The following ROPN1L variants were observed in gnomAD, a reference collection of about 807,000 sequenced individuals.
ROPN1L encodes rhophilin associated tail protein 1 like.
ROPN1L carries 23 observed loss-of-function variants against 22.7 expected under a neutral mutation model. The observed-to-expected ratio is 1.01, with a 90% CI of 0.73 to 1.43. The LOEUF (loss-of-function observed/expected upper bound fraction) is 1.43, where lower values mean the gene tolerates loss of function less well. ROPN1L is among the 40% of genes most tolerant of loss of function. The pLI, the probability that ROPN1L is intolerant of heterozygous loss-of-function variation, is 0.00. For synonymous variants in ROPN1L, 116 were observed against 117.8 expected, an observed-to-expected ratio of 0.98 and a Z score of 0.10; for missense variants, 271 against 291.5, an observed-to-expected ratio of 0.93 and a Z score of 0.51.
chr5:10,447,198 A>T (rs1031691595), intron 1 of ROPN1L, among the ~76,000 whole-genome samples: 8 of 152,204 alleles, frequency 5.3e-5, no homozygotes, highest in African/African-American at 1.9e-4. Context: ...TAAAGTCATT[A>T]GGGCCCCAAA....
chr5:10,457,961 C>T (rs1446915938), intron 3 of ROPN1L, among the ~76,000 whole-genome samples: 1 of 152,098 alleles, frequency 6.6e-6, no homozygotes, highest in African/African-American at 2.4e-5. Context: ...GCCCTCACAC[C>T]CCACCCCAGC....
intron 3 of ROPN1L, among the ~76,000 whole-genome samples, chr5:10,451,445 A>G (rs1407643591): frequency 6.6e-6 from 1 of 152,252 alleles, no homozygotes; most frequent in Non-Finnish European, 1.5e-5. Flanking sequence ...TGTGTCCCGC[A>G]AGAGGTACAC....
At chr5:10,451,519 A>G (rs1183436741) in intron 3 of ROPN1L, among the ~76,000 whole-genome samples, 2 of 152,150 alleles carry the variant, frequency 1.3e-5, no homozygotes, top group Admixed American at 6.5e-5. Context: ...ATTTTCTGAA[A>G]TTTTCATCCT....
chr5:10,446,647 C>T lies in ROPN1L; in HGVS notation c.132-1613C>T, dbSNP rs181413964. ...CTGCACTCCAGCCTAGGCCACAGAA[C>T]GAGACTCTATCTCAAAAAAAAAAAA... On this transcript the variant is annotated intron_variant, in intron 1 of 4. Coordinates refer to ENST00000274134, the MANE Select transcript of ROPN1L (RefSeq NM_031916.5). Among the ~76,000 whole-genome samples the T allele has an allele frequency of 1.2e-3, 128 of 104,630 alleles. 1 individual carries two copies. In the East Asian group the frequency reaches 0.029, roughly 24 times the overall value. 68.6% of individuals were successfully genotyped at this position (104,630 alleles called of 152,430 possible).
the ROPN1L span, chr5:10,479,221 C>A: frequency 6.6e-6 from 1 of 152,180 alleles, no homozygotes; most frequent in East Asian, 1.9e-4. Flanking sequence ...TGACACTGGT[C>A]TACAATGACT....
chr5:10,452,254 C>T (rs1284811127), intron 3 of ROPN1L, among the ~76,000 whole-genome samples: 1 of 150,208 alleles, frequency 6.7e-6, no homozygotes, highest in Non-Finnish European at 1.5e-5. Context: ...TTATAGATTA[C>T]AGGTGTAAGC....
At chr5:10,442,386 ACGC>A in intron 1 of ROPN1L, 88 bp downstream of exon 1, 1 of 1,522,168 alleles carries the variant, frequency 6.6e-7, no homozygotes, top group Non-Finnish European at 8.9e-7. Context: ...CAGGGGCCTT[ACGC>A]GGCACTCAGC....
At chr5:10,476,283 C>T (rs999379871), downstream of ROPN1L, among the ~76,000 whole-genome samples, 3 of 152,168 alleles carry the variant, frequency 2.0e-5, no homozygotes, top group Admixed American at 6.5e-5. Flanking sequence ...GGCATGATTG[C>T]GTGTAAACTC....
intron 3 of ROPN1L, among the ~76,000 whole-genome samples, chr5:10,459,310 C>CGGGTTCCCGCCTTCCACCCTCATCACT (rs1561175121): frequency 5.4e-4 from 79 of 147,616 alleles, no homozygotes; most frequent in African/African-American, 4.5e-4. Context: ...CCCTCCTCAC[C>CGGGTTCCCGCCTTCCACCCTCATCACT]GGGTTCCCGC....
At chr5:10,469,110 G>C (rs999890481), downstream of ROPN1L, among the ~76,000 whole-genome samples, 4 of 152,060 alleles carry the variant, frequency 2.6e-5, no homozygotes, top group African/African-American at 7.3e-5. Context: ...AGCCGAGATC[G>C]TGCCACTGCA....
At chr5:10,482,196 C>T in the ROPN1L span, 1 of 150,684 alleles carries the variant, frequency 6.6e-6, no homozygotes, top group Admixed American at 6.6e-5. Flanking sequence ...TGCCACTGCA[C>T]TCCAGCCTGG....
At chr5:10,465,314 G>A (rs1579660616), downstream of ROPN1L, among the ~76,000 whole-genome samples, 1 of 152,122 alleles carries the variant, frequency 6.6e-6, no homozygotes, top group Non-Finnish European at 1.5e-5. Context: ...GGGAGATCGA[G>A]ACCATTCTGG....
rs181465223 is a variant in ROPN1L at position 10,455,244 on chromosome 5, G to T, written c.417+5131G>T. On this transcript the variant is annotated intron_variant, in intron 3 of 4. Transcript: ENST00000274134. ...CGGCAGTGACAGAGGCTGCATCCTG[G>T]CTTACTCCTCGCTGCTGTTTCCTTC... 5.8e-4 allele frequency among the ~76,000 whole-genome samples: 88 copies of T among 152,326 alleles called. 1 individual carries two copies. The highest frequency in any genetic ancestry group is 2.0e-3 in the African/African-American group (85 of 41,576).
At chr5:10,445,865 G>A (rs1327510725) in intron 1 of ROPN1L, among the ~76,000 whole-genome samples, 1 of 152,212 alleles carries the variant, frequency 6.6e-6, no homozygotes, top group Non-Finnish European at 1.5e-5. Flanking sequence ...GGAGGCTTCA[G>A]TGAGCCATGT....
the ROPN1L span, chr5:10,477,927 C>T: frequency 6.6e-6 from 1 of 151,962 alleles, no homozygotes; most frequent in African/African-American, 2.4e-5. Flanking sequence ...GAGATTCTGT[C>T]TAAAAAAAGA....
downstream of ROPN1L, among the ~76,000 whole-genome samples, chr5:10,466,709 C>G: frequency 6.6e-6 from 1 of 152,080 alleles, no homozygotes; most frequent in East Asian, 1.9e-4. Flanking sequence ...GCTTTTGTCT[C>G]AAAAAGTGGG....
intron 1 of ROPN1L, among the ~76,000 whole-genome samples, chr5:10,443,466 C>CA (rs1455089211): frequency 6.6e-6 from 1 of 151,330 alleles, no homozygotes; most frequent in African/African-American, 2.4e-5. Flanking sequence ...ACTAAAAATA[C>CA]AAAAAATTAG....
Position 10,442,293 on chromosome 5 carries a change from C to G in ROPN1L, c.126C>G (p.Ser42=), listed in dbSNP as rs776450349. ...RTQPADVLRW[S]AGYFSALSRG... ...AGCCGGCCGACGTGCTGCGGTGGTC[C>G]GCGGGGTAAGCGCCCTTGGCCCGGG... The change falls in exon 1 of 5, where the codon TCC becomes TCG. Residue 42 remains serine, a synonymous_variant. Coordinates refer to ENST00000274134, the MANE Select transcript of ROPN1L (RefSeq NM_031916.5). 2 of 1,613,124 alleles carry G rather than the reference C, an allele frequency of 1.2e-6. No individual in the cohort carries two copies. Among genetic ancestry groups the G allele is most frequent in the Admixed American group, 3.3e-5 (2 of 60,004 alleles).
intron 1 of ROPN1L, among the ~76,000 whole-genome samples, chr5:10,445,652 A>T (rs956187243): frequency 2.0e-5 from 3 of 152,318 alleles, no homozygotes; most frequent in Admixed American, 1.3e-4. Context: ...TAGGCTGAGC[A>T]CGGTGGCTCA....
Sources: allele counts gnomAD v4.1 joint callset (sites outside exome capture counted in the v4.1 genomes callset), GRCh38; gene constraint gnomAD v4.1.1; transcripts MANE v1.5; gene names NCBI Gene and HGNC (gene_info 2026-07-23, HGNC 2026-07-21).